CCND3: variants seen among roughly 807,000 people sequenced by gnomAD.
CCND3 encodes G1/S-specific cyclin-D3.
CCND3 carries 9 observed loss-of-function variants against 28.7 expected under a neutral mutation model. The observed-to-expected ratio is 0.31, with a 90% confidence interval of 0.19 to 0.55. The LOEUF is 0.55. CCND3 is among the 20% of genes least tolerant of loss of function. The pLI, the probability that CCND3 is intolerant of heterozygous loss-of-function variation, is 0.93. For missense variants in CCND3, 315 were observed against 385.8 expected (o/e 0.82, Z 1.54); for synonymous variants, 164 against 163.9 (o/e 1.00, Z 0.00).
At chr6:42,020,499 C>T (rs1251865614) in intron 1 of CCND3, among the ~76,000 whole-genome samples, 1 of 152,156 alleles carries the variant, frequency 6.6e-6, no homozygotes, top group Non-Finnish European at 1.5e-5. Flanking sequence ...GATCTAGACA[C>T]TTGGGATGAT....
intron 1 of CCND3, among the ~76,000 whole-genome samples, chr6:41,993,990 A>C (rs2127417492): frequency 6.7e-6 from 1 of 149,958 alleles, no homozygotes; most frequent in South Asian, 2.1e-4. Flanking sequence ...AAAGACATAG[A>C]GAAAACTTAA....
intron 1 of CCND3, among the ~76,000 whole-genome samples, chr6:41,986,595 A>G (rs1160537341): frequency 2.2e-4 from 1 of 4,564 alleles, no homozygotes; most frequent in Non-Finnish European, 1.0e-3. Flanking sequence ...AGTGTATAGA[A>G]ATGTTACTAC....
chr6:41,964,473 T>A (rs866171200), intron 1 of CCND3, among the ~76,000 whole-genome samples: 7 of 103,738 alleles, frequency 6.7e-5, no homozygotes, highest in Admixed American at 2.1e-4. Flanking sequence ...AGTGTGTGTG[T>A]GAGTGTGTGT....
At chr6:42,020,159 G>T (rs1026300761) in intron 1 of CCND3, among the ~76,000 whole-genome samples, 1 of 152,044 alleles carries the variant, frequency 6.6e-6, no homozygotes, top group Admixed American at 6.6e-5. Context: ...GGCGCCCGTA[G>T]TCCCAGCTAC....
intron 1 of CCND3, among the ~76,000 whole-genome samples, chr6:42,045,122 C>T (rs1764505034): frequency 6.6e-6 from 1 of 151,940 alleles, no homozygotes. Context: ...TTCTTAAATA[C>T]ATTAACTTCC....
At chr6:42,019,090 T>C (rs1449938978) in intron 1 of CCND3, among the ~76,000 whole-genome samples, 1 of 152,190 alleles carries the variant, frequency 6.6e-6, no homozygotes, top group Non-Finnish European at 1.5e-5. Flanking sequence ...TCAGTTGTTA[T>C]AAAATTGCAA....
intron 1 of CCND3, among the ~76,000 whole-genome samples, chr6:42,023,388 T>C (rs1362283401): frequency 6.6e-6 from 1 of 152,190 alleles, no homozygotes; most frequent in Non-Finnish European, 1.5e-5. Flanking sequence ...TATCGTGCTG[T>C]GGGGCATGAG....
chr6:41,987,302 T>G (rs183701296), intron 1 of CCND3, among the ~76,000 whole-genome samples: 116 of 152,130 alleles, frequency 7.6e-4, no homozygotes, highest in African/African-American at 2.7e-3. Context: ...CAGTGATACC[T>G]TGGAAGGACC....
In CCND3 at chr6:41,998,687, T is replaced by A. The variant is rs376697897; in HGVS notation, c.-46+49814A>T. On this transcript the variant is annotated intron_variant, in intron 1 of 4. Transcript: ENST00000372988. ...AGTCCCTGGTCTATGCATTATTATT[T>A]TTTTTTTTTGAGACAGAGTTTCGCT... 2.4e-3 allele frequency among the ~76,000 whole-genome samples: 359 copies of A among 151,644 alleles called. 1 individual carries two copies. The highest frequency in any genetic ancestry group is 7.6e-3 in the African/African-American group (315 of 41,346).
intron 1 of CCND3, among the ~76,000 whole-genome samples, chr6:42,014,986 A>C (rs936737433): frequency 6.6e-6 from 1 of 152,168 alleles, no homozygotes; most frequent in African/African-American, 2.4e-5. Flanking sequence ...ACCTTCCTGA[A>C]ATTGATCCTG....
At position 42,042,806 on chromosome 6, in the gene CCND3, GT is replaced by G. The variant is rs369946938; in HGVS notation, c.-46+5694del. ...TATAGTAGGCATTCAACTAATATTG[GT>G]TATTATTAATTCTCACCATTACCCA... On this transcript the variant is annotated intron_variant, in intron 1 of 4. Transcript: ENST00000372988. 7.0e-3 allele frequency among the ~76,000 whole-genome samples: 1,063 copies of G among 152,266 alleles called. 15 individuals are homozygous for G. Among genetic ancestry groups the G allele is most frequent in the African/African-American group, 0.024 (996 of 41,528 alleles).
At chr6:42,024,444 G>A (rs1013262198) in intron 1 of CCND3, among the ~76,000 whole-genome samples, 3 of 151,736 alleles carry the variant, frequency 2.0e-5, no homozygotes, top group Admixed American at 1.3e-4. Flanking sequence ...TAACACAGCT[G>A]GTGTGTGGAA....
At chr6:41,940,042 G>A (rs960242160) in intron 2 of CCND3, among the ~76,000 whole-genome samples, 8 of 152,252 alleles carry the variant, frequency 5.3e-5, no homozygotes, top group African/African-American at 1.7e-4. Context: ...CATGGTGGCT[G>A]CGTAAACCCA....
chr6:41,954,405 G>C (rs1275027103), intron 1 of CCND3, among the ~76,000 whole-genome samples: 1 of 151,308 alleles, frequency 6.6e-6, no homozygotes, highest in African/African-American at 2.4e-5. Flanking sequence ...CAAAAATTTA[G>C]CCGGGTGTTG....
chr6:41,951,666 T>C (rs1776322128), intron 1 of CCND3, among the ~76,000 whole-genome samples: 4 of 151,638 alleles, frequency 2.6e-5, no homozygotes, highest in Admixed American at 2.6e-4. Flanking sequence ...GAGTAGTATG[T>C]CCCCAGTGTG....
chr6:42,033,250 G>A (rs1249279478), intron 1 of CCND3, among the ~76,000 whole-genome samples: 3 of 151,816 alleles, frequency 2.0e-5, no homozygotes, highest in East Asian at 3.9e-4. Flanking sequence ...TCAGGAGTTC[G>A]AGACCAGCCT....
chr6:42,002,130 T>G (rs1169242099), intron 1 of CCND3, among the ~76,000 whole-genome samples: 1 of 149,094 alleles, frequency 6.7e-6, no homozygotes, highest in Non-Finnish European at 1.5e-5. Flanking sequence ...AAAAAAAAAT[T>G]CATAGAACTG....
Position 41,936,909 on chromosome 6 carries a change from G to C in CCND3, c.575-214C>G. ...TCAGAACCAACTGCCAGTTTCCATA[G>C]GTCCCGGGAATAGACAAGACACTCC... On this transcript the variant is annotated intron_variant, in intron 3 of 4. Transcript: ENST00000372991. This position sits in a 1 kb window ranked among gnomAD's most constrained non-coding sequence, Gnocchi z 4.4. The C allele has an allele frequency of 1.7e-6, 1 of 603,814 alleles. No homozygotes were observed. The highest frequency in any genetic ancestry group is 2.9e-6 in the Non-Finnish European group (1 of 343,474). 37.4% of individuals were successfully genotyped at this position (603,814 alleles called of 1,614,324 possible).
chr6:42,002,485 A>G (rs1763039936), intron 1 of CCND3, among the ~76,000 whole-genome samples: 1 of 151,978 alleles, frequency 6.6e-6, no homozygotes, highest in African/African-American at 2.4e-5. Flanking sequence ...TGTACATTCA[A>G]TAAAGAAAGC....
Sources: gnomAD v4.1 joint callset for allele counts (sites outside exome capture counted in the v4.1 genomes callset) on GRCh38, gnomAD v4.1.1 for gene constraint, Gnocchi (gnomAD v3.1) non-coding constraint, MANE v1.5 for transcripts, NCBI Gene and HGNC (gene_info 2026-07-23, HGNC 2026-07-21) for gene names.